Variants in TENT2 observed in about 807,000 individuals in gnomAD.
TENT2 encodes the protein terminal nucleotidyltransferase 2.
Under a neutral mutation model 72.2 loss-of-function variants are expected in TENT2, and 44 were observed. The observed-to-expected ratio is 0.61, with a 90% CI of 0.48 to 0.78. The LOEUF (loss-of-function observed/expected upper bound fraction) is 0.78, where lower values mean the gene tolerates loss of function less well. Among genes scored for constraint, TENT2 ranks in the 30% least tolerant of loss-of-function variants. The pLI is 0.00. For missense variants in TENT2, 541 were observed against 569.6 expected (o/e 0.95, Z 0.51); for synonymous variants, 212 against 192.5 (o/e 1.10, Z -0.84).
chr5:79,676,037 A>G (rs1331662485), intron 12 of TENT2, among the ~76,000 whole-genome samples: 2 of 152,016 alleles, frequency 1.3e-5, no homozygotes, highest in Non-Finnish European at 2.9e-5. Flanking sequence ...TACCTACGAC[A>G]TTTGAAATTC....
In TENT2 at chr5:79,619,956, T is replaced by C. The variant is rs756106717; in HGVS notation, c.138-38T>C. ...ACTGGTTTTGTTTTTAAAGAAAAAA[T>C]ATGTATAAATTACTGTTCTTTTCTT... On this transcript the variant is annotated intron_variant, in intron 2 of 14. Coordinates refer to ENST00000453514, the MANE Select transcript of TENT2 (RefSeq NM_001114394.3). 4.2e-5 allele frequency: 63 copies of C among 1,494,926 alleles called. No individual in the cohort carries two copies. The South Asian group carries it at 7.7e-4, about 18-fold the overall frequency. 92.6% of individuals were successfully genotyped at this position (1,494,926 alleles called of 1,614,324 possible). A position where few individuals can be genotyped will look rare whatever the true frequency, so the allele number is the denominator to read the frequency against.
intron 14 of TENT2, among the ~76,000 whole-genome samples, chr5:79,684,324 C>T (rs950855062): frequency 6.6e-6 from 1 of 152,104 alleles, no homozygotes; most frequent in African/African-American, 2.4e-5. Context: ...TGCTCTGTTA[C>T]CCAGACTCAG....
At chr5:79,663,471 C>T (rs1580548258) in intron 11 of TENT2, among the ~76,000 whole-genome samples, 2 of 152,044 alleles carry the variant, frequency 1.3e-5, no homozygotes, top group South Asian at 4.1e-4. Context: ...TTCACTTGGT[C>T]GGCCATTGTA....
In TENT2 at chr5:79,648,613, A is replaced by G. The variant is rs1449488071; in HGVS notation, c.822-4A>G. On this transcript the variant is annotated splice_region_variant and splice_polypyrimidine_tract_variant and intron_variant, in intron 8 of 14. Transcript: ENST00000453514. The stretch of plus-strand genomic sequence containing the variant: ...TATTTATTTATTTATTTTTTCTTAA[A>G]TAGTTGTGTGGAGTTTGACTTGAAT... 1.9e-6 allele frequency: 3 copies of G among 1,546,030 alleles called. No individual in the cohort carries two copies. The highest frequency in any genetic ancestry group is 4.6e-5 in the East Asian group (2 of 43,810).
intron 11 of TENT2, among the ~76,000 whole-genome samples, chr5:79,666,310 A>G (rs543855391): frequency 6.6e-6 from 1 of 151,836 alleles, no homozygotes; most frequent in Middle Eastern, 3.5e-3. Flanking sequence ...ATTTGTTGAA[A>G]TTTTAAAGCA....
At chr5:79,659,172 G>A (rs62365226) in intron 11 of TENT2, among the ~76,000 whole-genome samples, 30,730 of 151,694 alleles carry the variant, frequency 0.2, 4,603 homozygotes, top group African/African-American at 0.42. Context: ...GAAACCTGTA[G>A]GCTGGTCAGC....
At chr5:79,650,587 A>T (rs915293078) in intron 10 of TENT2, among the ~76,000 whole-genome samples, 9 of 152,196 alleles carry the variant, frequency 5.9e-5, no homozygotes, top group South Asian at 2.1e-4. Context: ...GATAACAGAT[A>T]ATATTAGCAA....
At chr5:79,663,130 C>T (rs1327238774) in intron 11 of TENT2, among the ~76,000 whole-genome samples, 1 of 152,182 alleles carries the variant, frequency 6.6e-6, no homozygotes, top group Non-Finnish European at 1.5e-5. Context: ...TCTGCAGCTT[C>T]CTCACCTCTG....
At position 79,649,048 on chromosome 5, in the gene TENT2, A is replaced by C. The variant is rs1791459240; in HGVS notation, c.899-14A>C. On this transcript the variant is annotated splice_polypyrimidine_tract_variant and intron_variant, in intron 9 of 14. Transcript: ENST00000453514. ...AACGTCTCTTACCATGTTAAGTTTT[A>C]ATTTTACTTTCAGTTGAAAATCGAG... 6.2e-7 allele frequency: 1 copy of C among 1,611,746 alleles called. No individual in the cohort carries two copies. Among genetic ancestry groups the C allele is most frequent in the African/African-American group, 1.3e-5 (1 of 74,986 alleles).
In TENT2 at chr5:79,668,360, A is replaced by G. The variant is rs984457655; in HGVS notation, c.1072-532A>G. Among the ~76,000 whole-genome samples, 5 of 152,098 alleles carry G rather than the reference A, an allele frequency of 3.3e-5. No individual in the cohort carries two copies. In the South Asian group the frequency reaches 6.2e-4, roughly 19 times the overall value. On this transcript the variant is annotated intron_variant, in intron 11 of 14. Transcript: ENST00000453514. ...TGAACATCTCTCTTCTTTTCCATCT[A>G]AGATACAGAAACAAAAGAAAGCAAA...
At chr5:79,667,904 T>C (rs1809664222) in intron 11 of TENT2, among the ~76,000 whole-genome samples, 1 of 151,762 alleles carries the variant, frequency 6.6e-6, no homozygotes, top group Non-Finnish European at 1.5e-5. Context: ...TTAACCGTAG[T>C]TGTCATTCTG....
intron 14 of TENT2, 77 bp downstream of exon 14, chr5:79,682,138 T>G: frequency 1.1e-6 from 1 of 926,602 alleles, no homozygotes; most frequent in Non-Finnish European, 1.7e-6. Context: ...ACGTGTGTAG[T>G]AGGACAGAAT....
rs1369547019 is a variant in TENT2 at position 79,686,874 on chromosome 5, T to C, written c.*1601T>C. On this transcript the variant is annotated 3_prime_UTR_variant, in exon 15 of 15. Coordinates refer to ENST00000453514, the MANE Select transcript of TENT2 (RefSeq NM_001114394.3). ...TTTTCATATTTTGGGGGGGAATTTT[T>C]CCTAAAATTTACACTGTGCATCTCT... Among the ~76,000 whole-genome samples, 2 of 152,188 alleles carry C rather than the reference T, an allele frequency of 1.3e-5. No homozygotes were observed. Among genetic ancestry groups the C allele is most frequent in the Non-Finnish European group, 2.9e-5 (2 of 68,018 alleles).
chr5:79,687,578 T>G lies in TENT2; in HGVS notation c.*2305T>G, dbSNP rs1199938781. Among the ~76,000 whole-genome samples the G allele has an allele frequency of 6.6e-6, 1 of 152,188 alleles. No homozygotes were observed. Among genetic ancestry groups the G allele is most frequent in the Non-Finnish European group, 1.5e-5 (1 of 68,028 alleles). On this transcript the variant is annotated 3_prime_UTR_variant, in exon 15 of 15. Coordinates refer to ENST00000453514, the MANE Select transcript of TENT2 (RefSeq NM_001114394.3). ...GTAAATAGTTGTTATACTGTATTGT[T>G]TAGGGAATAATAATGACAAGACAAA...
chr5:79,645,254 A>G, intron 8 of TENT2, 62 bp downstream of exon 8: 1 of 1,244,274 alleles, frequency 8.0e-7, no homozygotes, highest in Non-Finnish European at 1.1e-6. Flanking sequence ...TACTCATCTG[A>G]TAAAGATAAT....
chr5:79,677,931 G>C (rs1818524066), intron 12 of TENT2, among the ~76,000 whole-genome samples: 1 of 152,148 alleles, frequency 6.6e-6, no homozygotes, highest in African/African-American at 2.4e-5. Flanking sequence ...CTCCTGAGTA[G>C]CTGGGACTAT....
At chr5:79,621,665 G>A (rs1042899560) in intron 3 of TENT2, among the ~76,000 whole-genome samples, 3 of 151,396 alleles carry the variant, frequency 2.0e-5, no homozygotes, top group African/African-American at 7.3e-5. Flanking sequence ...GGCTGAGGCA[G>A]GAGAATGGCA....
At chr5:79,656,859 A>C in intron 10 of TENT2, 99 bp from the exon 11 acceptor site, 1 of 723,068 alleles carries the variant, frequency 1.4e-6, no homozygotes, top group Non-Finnish European at 2.3e-6. Flanking sequence ...TTTTAGCATA[A>C]ACCCTTATGG....
At chr5:79,655,748 T>G (rs1797486830) in intron 10 of TENT2, among the ~76,000 whole-genome samples, 1 of 97,366 alleles carries the variant, frequency 1.0e-5, no homozygotes, top group South Asian at 2.7e-4. Context: ...ATGATTGAGT[T>G]TTTTTTTTTT....
Sources: gnomAD v4.1 joint callset for allele counts (sites outside exome capture counted in the v4.1 genomes callset) on GRCh38, gnomAD v4.1.1 for gene constraint, MANE v1.5 for transcripts, NCBI Gene and HGNC (gene_info 2026-07-23, HGNC 2026-07-21) for gene names.